CNTNAP5: variants seen among roughly 807,000 people sequenced by gnomAD.
The protein encoded by CNTNAP5 is contactin-associated protein-like 5.
In CNTNAP5, 72 loss-of-function variants were observed where a neutral mutation model predicts 150.2. The ratio of observed to expected loss-of-function variants is 0.48; its 90% CI spans 0.40 to 0.58. CNTNAP5 has a LOEUF of 0.58. CNTNAP5 is among the 20% of genes least tolerant of loss of function. CNTNAP5 has a pLI of 0.00. For missense variants in CNTNAP5, 1,636 were observed against 1,626.2 expected (o/e 1.01, Z -0.10); for synonymous variants, 672 against 619.8 (o/e 1.08, Z -1.25).
chr2:124,370,978 A>T (rs549750448), intron 3 of CNTNAP5, among the ~76,000 whole-genome samples: 27 of 152,280 alleles, frequency 1.8e-4, no homozygotes, highest in Non-Finnish European at 3.5e-4. Context: ...TACACAGCAA[A>T]AAAAATGATC....
intron 10 of CNTNAP5, among the ~76,000 whole-genome samples, chr2:124,542,067 G>A (rs1695399551): frequency 6.6e-6 from 1 of 151,764 alleles, no homozygotes; most frequent in South Asian, 2.1e-4. Flanking sequence ...CTCCCCAAAT[G>A]CATACGTTAT....
intron 11 of CNTNAP5, among the ~76,000 whole-genome samples, chr2:124,568,965 ATGAGCC>A (rs1696092383): frequency 6.6e-6 from 1 of 152,142 alleles, no homozygotes; most frequent in Non-Finnish European, 1.5e-5. Context: ...GAAGAATGGC[ATGAGCC>A]TGGGAGGCGG....
intron 11 of CNTNAP5, among the ~76,000 whole-genome samples, chr2:124,565,019 T>C (rs757659670): frequency 1.3e-5 from 2 of 152,114 alleles, no homozygotes; most frequent in Non-Finnish European, 2.9e-5. Flanking sequence ...AGAAAGAGCA[T>C]GGTAGATGCC....
chr2:124,749,326 AC>A (rs71415970), intron 14 of CNTNAP5, among the ~76,000 whole-genome samples: 11 of 148,570 alleles, frequency 7.4e-5, no homozygotes, highest in Admixed American at 7.4e-4. Flanking sequence ...CTTGACTCTG[AC>A]CCCTCCCCTC....
chr2:124,314,353 A>G (rs531853735), intron 3 of CNTNAP5, among the ~76,000 whole-genome samples: 24 of 152,190 alleles, frequency 1.6e-4, no homozygotes, highest in Admixed American at 2.6e-4. Flanking sequence ...AAGAAAAGCT[A>G]TTTCTCCTTG....
intron 3 of CNTNAP5, among the ~76,000 whole-genome samples, chr2:124,412,435 C>G (rs1167807328): frequency 6.7e-6 from 1 of 148,460 alleles, no homozygotes; most frequent in Admixed American, 6.7e-5. Context: ...AATCCTAAGC[C>G]AAAAGAACAA....
At chr2:124,805,584 G>A (rs1164929299) in intron 19 of CNTNAP5, among the ~76,000 whole-genome samples, 1 of 152,156 alleles carries the variant, frequency 6.6e-6, no homozygotes, top group Non-Finnish European at 1.5e-5. Context: ...AAAAGAGCTA[G>A]TATGGAAATA....
chr2:124,791,292 T>C (rs1681723358), intron 18 of CNTNAP5, among the ~76,000 whole-genome samples: 1 of 152,224 alleles, frequency 6.6e-6, no homozygotes, highest in Non-Finnish European at 1.5e-5. Context: ...TACTTACTTA[T>C]TATTCCTGAA....
At chr2:124,860,476 C>T (rs866611277) in intron 19 of CNTNAP5, among the ~76,000 whole-genome samples, 32 of 91,134 alleles carry the variant, frequency 3.5e-4, no homozygotes, top group African/African-American at 1.4e-3. Flanking sequence ...TCCTTCCTTC[C>T]TTCCTTCCTT....
intron 12 of CNTNAP5, among the ~76,000 whole-genome samples, chr2:124,628,899 G>A (rs867986346): frequency 1.6e-4 from 24 of 152,252 alleles, no homozygotes; most frequent in Middle Eastern, 6.8e-3. Context: ...GCAGAAAAAA[G>A]CAGGAGTAGC....
At chr2:124,314,751 A>G (rs1264075717) in intron 3 of CNTNAP5, among the ~76,000 whole-genome samples, 5 of 152,162 alleles carry the variant, frequency 3.3e-5, no homozygotes, top group Non-Finnish European at 7.3e-5. Context: ...TTATCCAACT[A>G]TCAGTTCATC....
At chr2:124,758,102 G>A (rs1680878745) in intron 14 of CNTNAP5, among the ~76,000 whole-genome samples, 2 of 152,110 alleles carry the variant, frequency 1.3e-5, no homozygotes, top group Admixed American at 6.6e-5. Flanking sequence ...CAAAGCCTAG[G>A]CAGAACCATG....
At chr2:124,031,699 G>A (rs545552974) in intron 1 of CNTNAP5, among the ~76,000 whole-genome samples, 1 of 152,056 alleles carries the variant, frequency 6.6e-6, no homozygotes, top group East Asian at 1.9e-4. Context: ...CTTGCTTTAT[G>A]GAATTTTAAT....
chr2:124,763,801 T>C lies in CNTNAP5; in HGVS notation c.2362+2T>C. On this transcript the variant is annotated splice_donor_variant, in intron 15 of 23. Transcript: ENST00000682447. LOFTEE classifies it high-confidence loss of function. ...GTCCCTTGCGTTGCTATGGTGACCG[T>C]GAGTACAAAATCGAAAGAAGCTTTC... 1 of 1,612,980 alleles carries C rather than the reference T, an allele frequency of 6.2e-7. No individual in the cohort carries two copies. The highest frequency in any genetic ancestry group is 8.5e-7 in the Non-Finnish European group (1 of 1,179,420).
intron 1 of CNTNAP5, among the ~76,000 whole-genome samples, chr2:124,124,745 T>TG (rs750648474): frequency 1.3e-5 from 2 of 151,926 alleles, no homozygotes; most frequent in African/African-American, 2.4e-5. Context: ...CAGAAGAGAG[T>TG]GGGGGCCAAT....
chr2:124,754,594 G>C lies in CNTNAP5; in HGVS notation c.2234+7209G>C, dbSNP rs183693978. ...CCACACTTTCTAGTTATTTTCTGCT[G>C]TTTCAGTCATTGAATATACTCTTAA... On this transcript the variant is annotated intron_variant, in intron 14 of 23. Coordinates refer to ENST00000682447, the MANE Select transcript of CNTNAP5 (RefSeq NM_001367498.1). Among the ~76,000 whole-genome samples, 315 of 152,174 alleles carry C rather than the reference G, an allele frequency of 2.1e-3. 2 individuals carry two copies. The highest frequency in any genetic ancestry group is 0.01 in the Middle Eastern group (3 of 292).
chr2:124,225,350 C>A (rs985544215), intron 2 of CNTNAP5, among the ~76,000 whole-genome samples: 1 of 152,116 alleles, frequency 6.6e-6, no homozygotes, highest in Non-Finnish European at 1.5e-5. Context: ...CCCAAGTGAT[C>A]TGAATCTGTG....
intron 3 of CNTNAP5, among the ~76,000 whole-genome samples, chr2:124,416,446 A>T (rs1490421856): frequency 6.6e-6 from 1 of 152,112 alleles, no homozygotes; most frequent in South Asian, 2.1e-4. Flanking sequence ...AAGGCTATGA[A>T]GTACAATATT....
At chr2:124,843,616 A>C (rs1156418175) in intron 19 of CNTNAP5, among the ~76,000 whole-genome samples, 1 of 152,110 alleles carries the variant, frequency 6.6e-6, no homozygotes, top group Non-Finnish European at 1.5e-5. Flanking sequence ...ACTGGTTTAC[A>C]TTCCTACCAA....
Sources: gnomAD v4.1 joint callset for allele counts (sites outside exome capture counted in the v4.1 genomes callset) on GRCh38, gnomAD v4.1.1 for gene constraint, MANE v1.5 for transcripts, NCBI Gene and HGNC (gene_info 2026-07-23, HGNC 2026-07-21) for gene names.